The following CHSY3 variants were observed in gnomAD, a reference collection of about 807,000 sequenced individuals.
CHSY3 encodes chondroitin sulfate synthase 3.
A neutral mutation model predicts 67.2 loss-of-function variants in CHSY3; 35 were observed. That is an observed-to-expected ratio of 0.52 (90% CI 0.40 to 0.69). The LOEUF is 0.69. Ranked by LOEUF, CHSY3 falls within the 30% of genes least tolerant of loss-of-function variation. The pLI is 0.00. For missense variants in CHSY3, 1,069 were observed against 1,138.5 expected, an observed-to-expected ratio of 0.94 and a Z score of 0.88; for synonymous variants, 474 against 434.7, an observed-to-expected ratio of 1.09 and a Z score of -1.12.
intron 2 of CHSY3, among the ~76,000 whole-genome samples, chr5:130,069,004 G>A (rs1271977695): frequency 6.6e-6 from 1 of 152,060 alleles, no homozygotes; most frequent in Non-Finnish European, 1.5e-5. Flanking sequence ...ATTTCATTGT[G>A]TTTGTAAACA....
intron 2 of CHSY3, among the ~76,000 whole-genome samples, chr5:130,176,326 G>A (rs1446221275): frequency 6.6e-6 from 1 of 152,116 alleles, no homozygotes; most frequent in Non-Finnish European, 1.5e-5. Flanking sequence ...CAGTTAGAAT[G>A]GTGATCAATA....
chr5:130,030,629 T>A (rs572020785), intron 2 of CHSY3, among the ~76,000 whole-genome samples: 49 of 152,264 alleles, frequency 3.2e-4, no homozygotes, highest in African/African-American at 1.1e-3. Context: ...TTTTGAAAAG[T>A]TGATATGTAA....
At chr5:130,099,591 A>C (rs951149147) in intron 2 of CHSY3, among the ~76,000 whole-genome samples, 1 of 152,212 alleles carries the variant, frequency 6.6e-6, no homozygotes, top group African/African-American at 2.4e-5. Flanking sequence ...TTCCTTTTAC[A>C]TAAGAGTCAT....
chr5:130,095,672 T>G (rs1005238463), intron 2 of CHSY3, among the ~76,000 whole-genome samples: 1 of 152,318 alleles, frequency 6.6e-6, no homozygotes, highest in Non-Finnish European at 1.5e-5. Flanking sequence ...ACAGTAACAA[T>G]TGCTGCAAGG....
At chr5:129,935,397 A>G (rs1761455494) in intron 2 of CHSY3, among the ~76,000 whole-genome samples, 2 of 152,186 alleles carry the variant, frequency 1.3e-5, no homozygotes, top group Admixed American at 1.3e-4. Context: ...CAGAACACTC[A>G]TGTTCTTCTG....
rs114719671 is a variant in CHSY3 at position 130,114,936 on chromosome 5, C to T, written c.1087-69293C>T. Among the ~76,000 whole-genome samples the T allele has an allele frequency of 5.8e-3, 890 of 152,268 alleles. 17 individuals carry two copies. Among genetic ancestry groups the T allele is most frequent in the African/African-American group, 0.019 (806 of 41,552 alleles). ...TGCCACTCAACTATTGAACAGTCCTCTCTAAATTTGTCCTAGGTCTTTAAC... is the reference window on the plus strand; with the variant it reads ...TGCCACTCAACTATTGAACAGTCCTTTCTAAATTTGTCCTAGGTCTTTAAC... On this transcript the variant is annotated intron_variant, in intron 2 of 2. Coordinates refer to ENST00000305031, the MANE Select transcript of CHSY3 (RefSeq NM_175856.5).
chr5:130,061,493 A>C (rs1038017039), intron 2 of CHSY3, among the ~76,000 whole-genome samples: 1 of 152,140 alleles, frequency 6.6e-6, no homozygotes, highest in Non-Finnish European at 1.5e-5. Context: ...ACATTGGCCT[A>C]GGCAAAGAAT....
At chr5:130,134,018 G>C (rs1768578671) in intron 2 of CHSY3, among the ~76,000 whole-genome samples, 2 of 152,122 alleles carry the variant, frequency 1.3e-5, no homozygotes, top group South Asian at 2.1e-4. Context: ...TTCTTGACTT[G>C]ACTTAACGTA....
chr5:130,087,473 G>A (rs902028302), intron 2 of CHSY3, among the ~76,000 whole-genome samples: 6 of 151,876 alleles, frequency 4.0e-5, no homozygotes, highest in Admixed American at 2.0e-4. Flanking sequence ...AAACCCCATT[G>A]TCTCAGCCCC....
intron 2 of CHSY3, among the ~76,000 whole-genome samples, chr5:129,971,595 T>C (rs910174253): frequency 6.6e-6 from 1 of 151,862 alleles, no homozygotes; most frequent in African/African-American, 2.4e-5. Context: ...AATGAGAAAA[T>C]TGTGACTTAG....
At chr5:130,085,408 G>C (rs1156667716) in intron 2 of CHSY3, among the ~76,000 whole-genome samples, 1 of 151,928 alleles carries the variant, frequency 6.6e-6, no homozygotes, top group Non-Finnish European at 1.5e-5. Context: ...TTGAACCAGA[G>C]CATCTTCTAT....
intron 2 of CHSY3, among the ~76,000 whole-genome samples, chr5:130,174,431 A>G (rs1769984870): frequency 6.6e-6 from 1 of 152,092 alleles, no homozygotes; most frequent in African/African-American, 2.4e-5. Flanking sequence ...AGCTTTACCC[A>G]TGATAGTATG....
At chr5:129,954,877 ATATT>A (rs1762125822) in intron 2 of CHSY3, among the ~76,000 whole-genome samples, 1 of 151,752 alleles carries the variant, frequency 6.6e-6, no homozygotes, top group Non-Finnish European at 1.5e-5. Flanking sequence ...AAATATATAT[ATATT>A]TTTTTGAGAT....
At chr5:130,153,884 A>G (rs1769298686) in intron 2 of CHSY3, among the ~76,000 whole-genome samples, 1 of 151,872 alleles carries the variant, frequency 6.6e-6, no homozygotes, top group South Asian at 2.1e-4. Context: ...TGCACATACC[A>G]TAGAAATTTG....
chr5:130,032,820 T>C (rs1211279646), intron 2 of CHSY3, among the ~76,000 whole-genome samples: 2 of 152,128 alleles, frequency 1.3e-5, no homozygotes, highest in African/African-American at 4.8e-5. Flanking sequence ...TTTAACACCA[T>C]TAACACCTGT....
chr5:129,963,410 T>A (rs867808983), intron 2 of CHSY3, among the ~76,000 whole-genome samples: 54 of 152,144 alleles, frequency 3.5e-4, no homozygotes, highest in African/African-American at 1.2e-3. Context: ...GAGTCCAGCA[T>A]GAGCAGCTCC....
chr5:129,996,150 G>A (rs1417017075), intron 2 of CHSY3, among the ~76,000 whole-genome samples: 5 of 152,040 alleles, frequency 3.3e-5, no homozygotes, highest in Non-Finnish European at 7.4e-5. Context: ...AGTGATTTTT[G>A]TTTAAATTAT....
Position 130,017,987 on chromosome 5 carries a change from C to T in CHSY3, c.1086+109627C>T, listed in dbSNP as rs572982701. Among the ~76,000 whole-genome samples, 39 of 152,204 alleles carry T rather than the reference C, an allele frequency of 2.6e-4. No homozygotes were observed. In the South Asian group the frequency reaches 3.7e-3, roughly 15 times the overall value. ...GCGTAATTCCTTTGTAGTAACTGTTCGGTTTCTGTGCCCACTGTCTGGTAA... is the reference window on the plus strand; with the variant it reads ...GCGTAATTCCTTTGTAGTAACTGTTTGGTTTCTGTGCCCACTGTCTGGTAA... On this transcript the variant is annotated intron_variant, in intron 2 of 2. Coordinates refer to ENST00000305031, the MANE Select transcript of CHSY3 (RefSeq NM_175856.5).
chr5:129,940,242 TA>T (rs201035363), intron 2 of CHSY3, among the ~76,000 whole-genome samples: 11 of 151,088 alleles, frequency 7.3e-5, no homozygotes, highest in East Asian at 1.9e-4. Context: ...TAGATTTTCT[TA>T]AAAAAAAACA....
Sources: allele counts gnomAD v4.1 joint callset (sites outside exome capture counted in the v4.1 genomes callset), GRCh38; gene constraint gnomAD v4.1.1; transcripts MANE v1.5; gene names NCBI Gene and HGNC (gene_info 2026-07-23, HGNC 2026-07-21).